The following CLN3 variants were observed in gnomAD, a reference collection of about 807,000 sequenced individuals.
CLN3 encodes the protein CLN3 lysosomal/endosomal transmembrane protein, battenin, also known as battenin.
In CLN3, 49 loss-of-function variants were observed where a neutral mutation model predicts 60.7. That is an observed-to-expected ratio of 0.81 (90% CI 0.64 to 1.02). CLN3 has a LOEUF of 1.02. CLN3 is among the 50% of genes least tolerant of loss of function. The pLI, the probability that CLN3 is intolerant of heterozygous loss-of-function variation, is 0.00. For synonymous variants in CLN3, 256 were observed against 245.8 expected (o/e 1.04, Z -0.39); for missense variants, 516 against 557.4 (o/e 0.93, Z 0.75).
intron 9 of CLN3, 75 bp downstream of exon 9, chr16:28,486,272 G>A (rs1285654649): frequency 2.3e-5 from 36 of 1,588,054 alleles, no homozygotes; most frequent in Middle Eastern, 2.3e-4. Context: ...GATTACAGGC[G>A]TGAGCCACCA....
downstream of CLN3, chr16:28,470,680 G>T (rs555040847): frequency 1.8e-6 from 1 of 543,256 alleles, no homozygotes; most frequent in Admixed American, 3.2e-5. Context: ...AGGGAAAGGA[G>T]GAGAAGGGGG....
downstream of CLN3, among the ~76,000 whole-genome samples, chr16:28,474,588 G>A (rs2045976723): frequency 6.6e-6 from 1 of 152,198 alleles, no homozygotes. Context: ...CACTGCCAGT[G>A]GAATGTAAAA....
At chr16:28,472,151 G>GC (rs1389754004), downstream of CLN3, among the ~76,000 whole-genome samples, 1 of 152,208 alleles carries the variant, frequency 6.6e-6, no homozygotes, top group African/African-American at 2.4e-5. Context: ...AGTGGCCCAC[G>GC]CCTGTAATCC....
chr16:28,472,771 G>T (rs1441858814), downstream of CLN3, among the ~76,000 whole-genome samples: 1 of 145,544 alleles, frequency 6.9e-6, no homozygotes, highest in African/African-American at 2.5e-5. Context: ...GAACCCGGGA[G>T]TCTGGGCAAA....
intron 3 of CLN3, among the ~76,000 whole-genome samples, 175 bp from the exon 4 acceptor site, chr16:28,489,561 G>T (rs1462206225): frequency 6.6e-6 from 1 of 151,986 alleles, no homozygotes; most frequent in Non-Finnish European, 1.5e-5. Context: ...TTGGTGCTTG[G>T]GCAAGATAGT....
chr16:28,483,918 T>C, intron 10 of CLN3, 88 bp downstream of exon 10: 1 of 899,294 alleles, frequency 1.1e-6, no homozygotes, highest in South Asian at 1.4e-5. Flanking sequence ...TCACTCTCTT[T>C]CCCCTCTTAA....
At chr16:28,491,207 A>C (rs1350061248) in intron 3 of CLN3, 5 of 491,086 alleles carry the variant, frequency 1.0e-5, no homozygotes, top group Non-Finnish European at 3.6e-6. Context: ...TTCTTTTTAA[A>C]AATATGTGCA....
rs746276318 is a variant in CLN3, at chr16:28,482,213, G to C, written c.963-15C>G. ...GCATCTGGTACCTGAGGTTAGGGTT[G>C]GGGGGAGGAGAGGAGGCTCCTCCAG... On this transcript the variant is annotated splice_polypyrimidine_tract_variant and intron_variant, in intron 13 of 15. Transcript: ENST00000636147. The C allele has an allele frequency of 3.7e-6, 6 of 1,608,160 alleles. No homozygotes were observed. Among genetic ancestry groups the C allele is most frequent in the Non-Finnish European group, 5.1e-6 (6 of 1,176,768 alleles).
Position 28,491,441 on chromosome 16 carries a change from TCTC to T in CLN3, c.125+38_125+40del, listed in dbSNP as rs745844395. On this transcript the variant is annotated intron_variant, in intron 3 of 15. Coordinates refer to ENST00000636147, the MANE Select transcript of CLN3 (RefSeq NM_001042432.2). ...CCCTTTCCTCCGGTCACTTCCCTCT[TCTC>T]ATGCCATTGTCACTCGCTGAAGTCT... is the stretch of plus-strand genomic sequence containing the variant. The T allele has an allele frequency of 5.0e-6, 8 of 1,608,970 alleles. No individual in the cohort carries two copies. The Admixed American group carries it at 1.0e-4, about 20-fold the overall frequency.
downstream of CLN3, chr16:28,476,456 G>A (rs1313347093): frequency 4.6e-5 from 7 of 151,922 alleles, no homozygotes; most frequent in Non-Finnish European, 7.4e-5. Flanking sequence ...CAAGGTGTGA[G>A]GATTGTTTGA....
intron 9 of CLN3, 128 bp from the exon 10 acceptor site, chr16:28,484,246 C>A: frequency 1.4e-6 from 1 of 722,076 alleles, no homozygotes. Flanking sequence ...TAGCTCACTG[C>A]CTCTAAGGCT....
At chr16:28,489,551 T>C (rs1368178092) in intron 3 of CLN3, among the ~76,000 whole-genome samples, 165 bp from the exon 4 acceptor site, 1 of 152,054 alleles carries the variant, frequency 6.6e-6, no homozygotes, top group East Asian at 1.9e-4. Context: ...AATACAGGCT[T>C]TGGTGCTTGG....
intron 7 of CLN3, chr16:28,486,912 C>G: frequency 2.0e-6 from 1 of 501,072 alleles, no homozygotes; most frequent in Non-Finnish European, 3.6e-6. Flanking sequence ...CAGTCTTTTT[C>G]TTTTCTTTTC....
intron 14 of CLN3, among the ~76,000 whole-genome samples, chr16:28,478,919 G>C (rs1165475216): frequency 2.0e-5 from 3 of 152,154 alleles, no homozygotes; most frequent in Non-Finnish European, 2.9e-5. Flanking sequence ...AACAAGGTGG[G>C]AGTAGCCGGG....
At chr16:28,479,037 G>A (rs568456574) in intron 14 of CLN3, among the ~76,000 whole-genome samples, 1 of 152,256 alleles carries the variant, frequency 6.6e-6, no homozygotes, top group Non-Finnish European at 1.5e-5. Flanking sequence ...CACCTGGCCA[G>A]GAAGCCTCTT....
intron 4 of CLN3, 63 bp downstream of exon 4, chr16:28,489,227 T>C: frequency 3.8e-6 from 5 of 1,316,556 alleles, no homozygotes; most frequent in Non-Finnish European, 5.4e-6. Context: ...TACCCCACCT[T>C]GTCCCACCCC....
At chr16:28,484,540 G>A (rs2046171942) in intron 9 of CLN3, 1 of 237,694 alleles carries the variant, frequency 4.2e-6, no homozygotes, top group Non-Finnish European at 8.4e-6. Context: ...TGTATAAATG[G>A]AGTCTCGCTA....
chr16:28,473,959 A>G (rs953344099), downstream of CLN3, among the ~76,000 whole-genome samples: 3 of 145,316 alleles, frequency 2.1e-5, no homozygotes, highest in Non-Finnish European at 4.6e-5. Context: ...CAACCAAAGG[A>G]AAAAAAAAAA....
At chr16:28,484,365 C>A in intron 9 of CLN3, 1 of 491,682 alleles carries the variant, frequency 2.0e-6, no homozygotes, top group South Asian at 2.1e-5. Flanking sequence ...TGATTTTTTT[C>A]AGAGACAGGG....
Sources: gnomAD v4.1 joint callset for allele counts (sites outside exome capture counted in the v4.1 genomes callset) on GRCh38, gnomAD v4.1.1 for gene constraint, MANE v1.5 for transcripts, NCBI Gene and HGNC (gene_info 2026-07-23, HGNC 2026-07-21) for gene names.